SKIL: variants seen among roughly 807,000 people sequenced by gnomAD.
SKIL encodes ski-like protein.
SKIL carries 20 observed loss-of-function variants against 69.6 expected under a neutral mutation model. That is an observed-to-expected ratio of 0.29 (90% confidence interval 0.20 to 0.42). The LOEUF is 0.42. Among genes scored for constraint, SKIL ranks in the 10% least tolerant of loss-of-function variants. SKIL has a pLI of 1.00. For missense variants in SKIL, 745 were observed against 783.1 expected (o/e 0.95, Z 0.58); for synonymous variants, 310 against 279.9 (o/e 1.11, Z -1.08).
intron 3 of SKIL, among the ~76,000 whole-genome samples, chr3:170,381,906 C>T (rs910883383): frequency 1.3e-5 from 2 of 151,392 alleles, no homozygotes; most frequent in Non-Finnish European, 2.9e-5. Context: ...ACAGTGAAAC[C>T]CTGTCTCTAC....
rs775225712 is a variant in SKIL at position 170,384,734 on chromosome 3, A to C, written c.1398A>C (p.Leu466Phe). 2.5e-6 allele frequency: 4 copies of C among 1,601,122 alleles called. No individual in the cohort carries two copies. In the African/African-American group the frequency reaches 4.0e-5, roughly 16 times the overall value. Residue 466 changes from leucine (L) to phenylalanine (F), a missense_variant, in exon 4 of 7, where the codon TTA becomes TTC. Coordinates refer to ENST00000259119, the MANE Select transcript of SKIL (RefSeq NM_005414.5). ...VSLEEQEKMD[L>F]KTSRELCSRL... ...TTGAGGAACAGGAGAAAATGGATTT[A>C]AAAACAAGTAGAGAATTATGTAGCC...
At chr3:170,389,546 C>T (rs6444922) in intron 4 of SKIL, among the ~76,000 whole-genome samples, 114,121 of 151,780 alleles carry the variant, frequency 0.75, 43,555 homozygotes, top group East Asian at 0.84. Flanking sequence ...AATCTCCTGA[C>T]GTCGTGATCC....
intron 6 of SKIL, 64 bp downstream of exon 6, chr3:170,391,324 C>CTTT (rs879356232): frequency 1.6e-5 from 12 of 740,740 alleles, no homozygotes; most frequent in African/African-American, 1.1e-4. Flanking sequence ...TTACTTCTCT[C>CTTT]TTTTTTTTTT....
At chr3:170,385,385 C>T (rs547501834) in intron 4 of SKIL, among the ~76,000 whole-genome samples, 29 of 151,596 alleles carry the variant, frequency 1.9e-4, no homozygotes, top group Non-Finnish European at 3.5e-4. Flanking sequence ...AGCCACCGCA[C>T]CCAACCTTTA....
At chr3:170,384,209 T>C (rs1188374122) in intron 3 of SKIL, among the ~76,000 whole-genome samples, 1 of 152,006 alleles carries the variant, frequency 6.6e-6, no homozygotes, top group Non-Finnish European at 1.5e-5. Context: ...GTATGTGTGG[T>C]CCCAGCTACC....
At chr3:170,378,600 G>A (rs1258619571) in intron 2 of SKIL, among the ~76,000 whole-genome samples, 3 of 118,570 alleles carry the variant, frequency 2.5e-5, no homozygotes, top group Non-Finnish European at 4.9e-5. Context: ...CACCCAGGTT[G>A]GAGTGCAGTG....
intron 2 of SKIL, among the ~76,000 whole-genome samples, chr3:170,364,972 G>A (rs1736430493): frequency 6.6e-6 from 1 of 152,112 alleles, no homozygotes; most frequent in South Asian, 2.1e-4. Context: ...AATTTTATGT[G>A]AATTTGAGAA....
intron 4 of SKIL, among the ~76,000 whole-genome samples, chr3:170,385,784 TTTTC>T (rs948132861): frequency 4.6e-5 from 7 of 151,888 alleles, no homozygotes; most frequent in South Asian, 4.2e-4. Flanking sequence ...GGGGGTTTTC[TTTTC>T]TTTCTTTCTT....
At chr3:170,365,191 A>G (rs918279700) in intron 2 of SKIL, among the ~76,000 whole-genome samples, 1 of 152,222 alleles carries the variant, frequency 6.6e-6, no homozygotes, top group Non-Finnish European at 1.5e-5. Flanking sequence ...TAGATGAGTC[A>G]CATGCTCCTG....
intron 2 of SKIL, among the ~76,000 whole-genome samples, chr3:170,367,169 C>T (rs960403534): frequency 3.3e-5 from 5 of 152,062 alleles, no homozygotes; most frequent in African/African-American, 7.2e-5. Flanking sequence ...AGTGCAGTGG[C>T]GCGATGTCAG....
At chr3:170,368,642 C>T (rs1209254109) in intron 2 of SKIL, among the ~76,000 whole-genome samples, 2 of 152,116 alleles carry the variant, frequency 1.3e-5, no homozygotes, top group South Asian at 2.1e-4. Flanking sequence ...GTCCTCCTTT[C>T]CTCATTTTCT....
intron 6 of SKIL, among the ~76,000 whole-genome samples, chr3:170,392,007 G>A (rs1405003511): frequency 2.0e-5 from 3 of 152,078 alleles, no homozygotes; most frequent in Non-Finnish European, 4.4e-5. Flanking sequence ...TGTGATGAGC[G>A]GTATAGTAAA....
At position 170,370,451 on chromosome 3, in the gene SKIL, C is replaced by T. The variant is rs865851967; in HGVS notation, c.1098+9022C>T. Among the ~76,000 whole-genome samples, 4 of 50,152 alleles carry T rather than the reference C, an allele frequency of 8.0e-5. 1 individual carries two copies. The highest frequency in any genetic ancestry group is 3.5e-4 in the Admixed American group (2 of 5,784). The allele number at this position is 50,152 out of a possible 152,430, so 32.9% of individuals were successfully genotyped here. On this transcript the variant is annotated intron_variant, in intron 2 of 6. Transcript: ENST00000259119. ...AGAGAGAGAGAGAGCCCCCCCCCCC[C>T]CCCCGAGCAGGAGTTCATCTTATAG...
At chr3:170,377,345 C>A (rs1737080657) in intron 2 of SKIL, among the ~76,000 whole-genome samples, 1 of 147,648 alleles carries the variant, frequency 6.8e-6, no homozygotes, top group Non-Finnish European at 1.5e-5. Flanking sequence ...TCGGTTGATT[C>A]TCCTGTCCTC....
At chr3:170,392,005 G>A (rs1456436629) in intron 6 of SKIL, among the ~76,000 whole-genome samples, 1 of 152,176 alleles carries the variant, frequency 6.6e-6, no homozygotes, top group African/African-American at 2.4e-5. Flanking sequence ...GCTGTGATGA[G>A]CGGTATAGTA....
intron 2 of SKIL, among the ~76,000 whole-genome samples, chr3:170,375,799 C>T (rs1320141374): frequency 2.6e-5 from 4 of 151,904 alleles, no homozygotes; most frequent in Admixed American, 6.6e-5. Flanking sequence ...AGGCTGGTTT[C>T]GAACTGCTGG....
intron 2 of SKIL, among the ~76,000 whole-genome samples, chr3:170,376,021 A>G (rs1737013406): frequency 6.9e-6 from 1 of 143,906 alleles, no homozygotes; most frequent in Admixed American, 7.0e-5. Flanking sequence ...AGAAATTCTC[A>G]TTTAATTCAA....
In SKIL at chr3:170,391,153, T is replaced by C. The variant is rs1737893200; in HGVS notation, c.1789T>C (p.Tyr597His). 1.2e-6 allele frequency: 2 copies of C among 1,611,040 alleles called. No homozygotes were observed. The highest frequency in any genetic ancestry group is 8.5e-7 in the Non-Finnish European group (1 of 1,177,410). The stretch of plus-strand genomic sequence containing the variant: ...ACATGCTCAAAGAATGGAAGAATTT[T>C]ATGTTGAACAGAAAGACTTAGAGAA... Reference protein sequence around the residue: ...NEHAQRMEEFYVEQKDLEKKL... With the variant: ...NEHAQRMEEFHVEQKDLEKKL... Residue 597 changes from tyrosine (Y) to histidine (H), a missense_variant, in exon 6 of 7, where the codon TAT (tyrosine) becomes CAT (histidine). Coordinates refer to ENST00000259119, the MANE Select transcript of SKIL (RefSeq NM_005414.5).
In SKIL at chr3:170,394,967, A is replaced by G. The variant is rs1320985850; in HGVS notation, c.*2550A>G. ...TTTGTTGTTACTCTTTGTGTGCCAA[A>G]TTCACTAGGCAAGCGGATTTTTCCT... is the stretch of plus-strand genomic sequence containing the variant. On this transcript the variant is annotated 3_prime_UTR_variant, in exon 7 of 7. Transcript: ENST00000259119. The G allele has an allele frequency of 1.3e-5, 2 of 152,210 alleles. No homozygotes were observed. Among genetic ancestry groups the G allele is most frequent in the African/African-American group, 2.4e-5 (1 of 41,462 alleles). The allele number at this position is 152,210 out of a possible 1,614,324, so 9.4% of individuals were successfully genotyped here.
Sources: gnomAD v4.1 joint callset for allele counts (sites outside exome capture counted in the v4.1 genomes callset) on GRCh38, gnomAD v4.1.1 for gene constraint, MANE v1.5 for transcripts, NCBI Gene and HGNC (gene_info 2026-07-23, HGNC 2026-07-21) for gene names.